The following TPP2 variants were observed in gnomAD, a reference collection of about 807,000 sequenced individuals.
TPP2 encodes tripeptidyl peptidase 2, also known as tripeptidyl-peptidase 2.
TPP2 carries 34 observed loss-of-function variants against 155.9 expected under a neutral mutation model. The observed-to-expected ratio is 0.22, with a 90% confidence interval of 0.17 to 0.29. TPP2 has a LOEUF of 0.29. TPP2 is among the 10% of genes least tolerant of loss of function. The pLI is 1.00. For missense variants in TPP2, 1,028 were observed against 1,522.3 expected, an observed-to-expected ratio of 0.68 and a Z score of 5.40; for synonymous variants, 510 against 529.4, an observed-to-expected ratio of 0.96 and a Z score of 0.50.
intron 24 of TPP2, among the ~76,000 whole-genome samples, chr13:102,656,238 C>T (rs1280364065): frequency 5.3e-5 from 8 of 152,112 alleles, no homozygotes; most frequent in Non-Finnish European, 1.2e-4. Flanking sequence ...TTTTGTAAAA[C>T]TCTTCTGGTA....
At chr13:102,657,280 A>G (rs1051114081) in intron 25 of TPP2, 73 bp downstream of exon 25, 2 of 1,304,938 alleles carry the variant, frequency 1.5e-6, no homozygotes, top group Non-Finnish European at 2.0e-6. Context: ...TATTGTGTAT[A>G]TATACATAGA....
intron 9 of TPP2, 60 bp from the exon 10 acceptor site, chr13:102,630,036 G>A (rs1881913105): frequency 4.9e-6 from 7 of 1,423,736 alleles, no homozygotes; most frequent in Non-Finnish European, 6.9e-6. Flanking sequence ...AGTGAACAGT[G>A]GATTTGGAAT....
At chr13:102,633,166 G>T (rs1457532117) in intron 10 of TPP2, among the ~76,000 whole-genome samples, 1 of 152,162 alleles carries the variant, frequency 6.6e-6, no homozygotes, top group Admixed American at 6.5e-5. Context: ...TTCTTTACTT[G>T]GGGCAGAGGA....
chr13:102,634,890 G>T (rs1882267470), intron 11 of TPP2, among the ~76,000 whole-genome samples: 1 of 152,200 alleles, frequency 6.6e-6, no homozygotes, highest in Non-Finnish European at 1.5e-5. Flanking sequence ...TCGAAGTCCT[G>T]TCTGCCATGT....
intron 27 of TPP2, among the ~76,000 whole-genome samples, chr13:102,668,832 G>T (rs1047670351): frequency 1.3e-5 from 2 of 152,198 alleles, no homozygotes; most frequent in Non-Finnish European, 2.9e-5. Context: ...TCCAGAGCAG[G>T]ATTCATTCAG....
chr13:102,678,170 T>G, intron 29 of TPP2, 57 bp from the exon 30 acceptor site: 7 of 1,501,636 alleles, frequency 4.7e-6, no homozygotes, highest in Non-Finnish European at 5.5e-6. Context: ...TTCTAAATAC[T>G]GAGCTTAAAA....
At chr13:102,641,415 G>A (rs998510343) in intron 16 of TPP2, among the ~76,000 whole-genome samples, 6 of 152,292 alleles carry the variant, frequency 3.9e-5, no homozygotes, top group East Asian at 3.9e-4. Flanking sequence ...GTCTAGTCCC[G>A]TCAGAACCCT....
intron 6 of TPP2, among the ~76,000 whole-genome samples, chr13:102,623,499 G>T (rs528626178): frequency 6.6e-6 from 1 of 152,306 alleles, no homozygotes; most frequent in African/African-American, 2.4e-5. Context: ...GGAGGCGGAG[G>T]TTGCAGTGAG....
chr13:102,605,336 G>A (rs1879739679), intron 2 of TPP2, among the ~76,000 whole-genome samples: 1 of 152,340 alleles, frequency 6.6e-6, no homozygotes, highest in Middle Eastern at 3.4e-3. Flanking sequence ...CACGATGAAA[G>A]CCACAGGCTT....
intron 1 of TPP2, among the ~76,000 whole-genome samples, chr13:102,602,996 C>A (rs1879549988): frequency 6.7e-6 from 1 of 149,836 alleles, no homozygotes; most frequent in Non-Finnish European, 1.5e-5. Context: ...AGTACATATT[C>A]CTGAATGCAA....
In TPP2 at chr13:102,617,203, C is replaced by T. The variant is rs1880812936; in HGVS notation, c.495+703C>T. Among the ~76,000 whole-genome samples the T allele has an allele frequency of 2.6e-5, 4 of 152,168 alleles. No individual in the cohort carries two copies. The South Asian group carries it at 6.2e-4, about 24-fold the overall frequency. ...TGCTGGGATTACAGGCATGAGCCACCGTGCCCGGCCTATGTATTCTCTAAT... is the reference window on the plus strand; with the variant it reads ...TGCTGGGATTACAGGCATGAGCCACTGTGCCCGGCCTATGTATTCTCTAAT... On this transcript the variant is annotated intron_variant, in intron 4 of 29. Transcript: ENST00000376052.
chr13:102,664,219 G>T (rs1382383154), intron 26 of TPP2, among the ~76,000 whole-genome samples: 2 of 152,160 alleles, frequency 1.3e-5, no homozygotes, highest in Non-Finnish European at 2.9e-5. Context: ...ATCATCAAGG[G>T]TTTAGAGTGA....
chr13:102,619,068 AACTT>A (rs1407076047), intron 5 of TPP2, among the ~76,000 whole-genome samples: 5 of 152,192 alleles, frequency 3.3e-5, no homozygotes, highest in Admixed American at 2.0e-4. Context: ...GATTTAAATA[AACTT>A]ACTTCATTAA....
intron 21 of TPP2, among the ~76,000 whole-genome samples, chr13:102,647,873 G>A (rs997153478): frequency 2.6e-5 from 4 of 152,160 alleles, no homozygotes; most frequent in Admixed American, 2.6e-4. Flanking sequence ...ATAATTTATA[G>A]ACATTTTATC....
rs1442631887 is a variant in TPP2, at chr13:102,679,239, G to C, written c.*923G>C. ...ACAGAAATAATACATTAAATACATA[G>C]ACAAAAAAAGTTAAACATAAGATAA... On this transcript the variant is annotated 3_prime_UTR_variant, in exon 30 of 30. Coordinates refer to ENST00000376052, the MANE Select transcript of TPP2 (RefSeq NM_001330588.2). 1 of 152,008 alleles carries C rather than the reference G, an allele frequency of 6.6e-6. No individual in the cohort carries two copies. The highest frequency in any genetic ancestry group is 2.4e-5 in the African/African-American group (1 of 41,276). The allele number at this position is 152,008 out of a possible 1,614,324, so 9.4% of individuals were successfully genotyped here. A position where few individuals can be genotyped will look rare whatever the true frequency, so the allele number is the denominator to read the frequency against.
intron 24 of TPP2, among the ~76,000 whole-genome samples, chr13:102,652,397 C>CATACATATATATATATATAT (rs1883560553): frequency 8.0e-6 from 1 of 125,490 alleles, no homozygotes; most frequent in Non-Finnish European, 1.8e-5. Flanking sequence ...AACATACATA[C>CATACATATATATATATATAT]ATATATATAT....
intron 24 of TPP2, among the ~76,000 whole-genome samples, chr13:102,654,505 T>G (rs1370971281): frequency 3.3e-5 from 5 of 152,118 alleles, no homozygotes; most frequent in South Asian, 2.1e-4. Flanking sequence ...TTTTAATAGA[T>G]TGTTCATTTT....
chr13:102,638,121 CTCT>C, intron 14 of TPP2, 115 bp from the exon 15 acceptor site: 1 of 932,780 alleles, frequency 1.1e-6, no homozygotes, highest in Non-Finnish European at 1.7e-6. Flanking sequence ...TGGTGTCAAC[CTCT>C]GGTTAAGACC....
chr13:102,651,155 A>G (rs906062157), intron 23 of TPP2, among the ~76,000 whole-genome samples: 15 of 152,210 alleles, frequency 9.9e-5, no homozygotes, highest in African/African-American at 3.6e-4. Context: ...TAGTAATAAC[A>G]TATTTGAGTA....
Sources: gnomAD v4.1 joint callset for allele counts (sites outside exome capture counted in the v4.1 genomes callset) on GRCh38, gnomAD v4.1.1 for gene constraint, MANE v1.5 for transcripts, NCBI Gene and HGNC (gene_info 2026-07-23, HGNC 2026-07-21) for gene names.